The following CDH4 variants were observed in gnomAD, a reference collection of about 807,000 sequenced individuals.
CDH4 encodes the protein cadherin-4.
CDH4 carries 33 observed loss-of-function variants against 86.0 expected under a neutral mutation model. The ratio of observed to expected loss-of-function variants is 0.38; its 90% confidence interval spans 0.29 to 0.51. The LOEUF (loss-of-function observed/expected upper bound fraction) is 0.51, where lower values mean the gene tolerates loss of function less well. CDH4 is among the 20% of genes least tolerant of loss of function. CDH4 has a pLI of 0.86. For missense variants in CDH4, 1,114 were observed against 1,307.4 expected (o/e 0.85, Z 2.28); for synonymous variants, 555 against 549.4 (o/e 1.01, Z -0.14).
At chr20:61,890,885 A>G (rs886626330) in intron 7 of CDH4, among the ~76,000 whole-genome samples, 2 of 152,170 alleles carry the variant, frequency 1.3e-5, no homozygotes, top group African/African-American at 4.8e-5. Flanking sequence ...ACAAAGCTGG[A>G]CAAGACTCAG....
intron 2 of CDH4, among the ~76,000 whole-genome samples, chr20:61,626,826 C>CAGAAGGG (rs2086833846): frequency 1.3e-5 from 2 of 152,176 alleles, no homozygotes; most frequent in Non-Finnish European, 2.9e-5. Flanking sequence ...TTAAATTGCG[C>CAGAAGGG]TCGAAGGGTC....
At position 61,576,628 on chromosome 20, in the gene CDH4, C is replaced by T. The variant is rs984582276; in HGVS notation, c.170-166935C>T. Among the ~76,000 whole-genome samples, 3 of 152,194 alleles carry T rather than the reference C, an allele frequency of 2.0e-5. No homozygotes were observed. In the East Asian group the frequency reaches 5.8e-4, roughly 29 times the overall value. On this transcript the variant is annotated intron_variant, in intron 2 of 15. Coordinates refer to ENST00000614565, the MANE Select transcript of CDH4 (RefSeq NM_001794.5). ...ACGTGAGGCAGACATCACTTATCAA[C>T]CCTGCTGTTCTCTCCTCTGGGCCAG...
intron 2 of CDH4, among the ~76,000 whole-genome samples, chr20:61,279,317 C>A (rs2084246272): frequency 6.6e-6 from 1 of 152,188 alleles, no homozygotes; most frequent in Non-Finnish European, 1.5e-5. Context: ...AACTCATTGG[C>A]CCTCCTTCCC....
At chr20:61,762,654 C>T (rs1017611958) in intron 3 of CDH4, among the ~76,000 whole-genome samples, 4 of 152,228 alleles carry the variant, frequency 2.6e-5, no homozygotes, top group Admixed American at 6.5e-5. Context: ...CCTCTGTGTC[C>T]TCTCACCGTT....
chr20:61,273,697 A>G (rs2084201731), intron 2 of CDH4, among the ~76,000 whole-genome samples: 5 of 133,324 alleles, frequency 3.8e-5, no homozygotes, highest in South Asian at 5.3e-4. Flanking sequence ...GGGGAGTACC[A>G]TGTGCAGTTT....
intron 4 of CDH4, among the ~76,000 whole-genome samples, chr20:61,796,185 G>C (rs1302460636): frequency 2.0e-5 from 3 of 152,156 alleles, no homozygotes; most frequent in African/African-American, 7.2e-5. Flanking sequence ...GGCGAGGAGT[G>C]TTATCATTTT....
intron 2 of CDH4, among the ~76,000 whole-genome samples, chr20:61,719,929 G>C (rs959043906): frequency 6.6e-6 from 1 of 152,204 alleles, no homozygotes; most frequent in Non-Finnish European, 1.5e-5. Flanking sequence ...CAGAAAAGGT[G>C]ATAAGACATT....
At chr20:61,296,425 A>G (rs1032233860) in intron 2 of CDH4, among the ~76,000 whole-genome samples, 3 of 151,896 alleles carry the variant, frequency 2.0e-5, no homozygotes, top group Non-Finnish European at 4.4e-5. Context: ...TACACACTTC[A>G]GGCAGGGCTG....
chr20:61,792,163 G>A (rs915740237), intron 4 of CDH4, among the ~76,000 whole-genome samples: 5 of 152,092 alleles, frequency 3.3e-5, no homozygotes, highest in African/African-American at 1.2e-4. Flanking sequence ...AGGGGAAAGC[G>A]GGGGCCCAGA....
At chr20:61,696,680 G>C (rs911285063) in intron 2 of CDH4, among the ~76,000 whole-genome samples, 4 of 152,314 alleles carry the variant, frequency 2.6e-5, no homozygotes, top group African/African-American at 9.6e-5. Context: ...GGGCTGCCCT[G>C]GCCCAGGGCT....
At position 61,924,330 on chromosome 20, in the gene CDH4, G is replaced by A. The variant is rs777787748; in HGVS notation, c.1629-4G>A. On this transcript the variant is annotated splice_polypyrimidine_tract_variant and splice_region_variant and intron_variant, in intron 10 of 15. Transcript: ENST00000614565. ...ACCTCCCCCTGCACTTGTGGTCTCC[G>A]CAGATACTCAAAGCTGTCAGACCCA... The A allele has an allele frequency of 2.1e-5, 33 of 1,535,320 alleles. No homozygotes were observed. The highest frequency in any genetic ancestry group is 7.0e-5 in the Admixed American group (4 of 57,054).
chr20:61,832,647 C>A (rs1272796960), intron 4 of CDH4, among the ~76,000 whole-genome samples: 1 of 152,134 alleles, frequency 6.6e-6, no homozygotes, highest in African/African-American at 2.4e-5. Context: ...ACCATCAGAT[C>A]TCGTGAGACT....
intron 2 of CDH4, among the ~76,000 whole-genome samples, chr20:61,488,787 A>G (rs1418938800): frequency 6.6e-6 from 1 of 152,200 alleles, no homozygotes; most frequent in East Asian, 1.9e-4. Context: ...AGTAGTCTCT[A>G]AAAGATTGGA....
intron 2 of CDH4, among the ~76,000 whole-genome samples, chr20:61,565,940 G>A (rs1011045819): frequency 6.6e-6 from 1 of 152,172 alleles, no homozygotes; most frequent in Non-Finnish European, 1.5e-5. Context: ...CCAGCCCCAT[G>A]TACACTGTTG....
chr20:61,256,063 A>T (rs1341533768), intron 2 of CDH4, among the ~76,000 whole-genome samples: 1 of 152,226 alleles, frequency 6.6e-6, no homozygotes, highest in African/African-American at 2.4e-5. Flanking sequence ...CAGGGCATAC[A>T]TAGTAAAGAG....
At chr20:61,398,769 T>A (rs1318157774) in intron 2 of CDH4, among the ~76,000 whole-genome samples, 2 of 152,206 alleles carry the variant, frequency 1.3e-5, no homozygotes, top group Non-Finnish European at 2.9e-5. Context: ...ATTCGTTAAT[T>A]TTGACACATA....
intron 2 of CDH4, among the ~76,000 whole-genome samples, chr20:61,362,068 G>A (rs1277023006): frequency 6.6e-6 from 1 of 152,244 alleles, no homozygotes; most frequent in African/African-American, 2.4e-5. Context: ...AGGGCTGCGC[G>A]TCCCTTAGCC....
chr20:61,431,600 T>C (rs2085247092), intron 2 of CDH4, among the ~76,000 whole-genome samples: 1 of 152,162 alleles, frequency 6.6e-6, no homozygotes, highest in Non-Finnish European at 1.5e-5. Context: ...ACTCAAGTGA[T>C]CCACCTGCCT....
chr20:61,869,423 T>C (rs1983699092), intron 6 of CDH4, among the ~76,000 whole-genome samples: 1 of 152,208 alleles, frequency 6.6e-6, no homozygotes, highest in African/African-American at 2.4e-5. Context: ...CTGACATACA[T>C]ACTGTCCAGC....
Sources: allele counts gnomAD v4.1 joint callset (sites outside exome capture counted in the v4.1 genomes callset), GRCh38; gene constraint gnomAD v4.1.1; transcripts MANE v1.5; gene names NCBI Gene and HGNC (gene_info 2026-07-23, HGNC 2026-07-21).